The following TM4SF19 variants were observed in gnomAD, a reference collection of about 807,000 sequenced individuals.
TM4SF19 encodes the protein transmembrane 4 L6 family member 19.
Under a neutral mutation model 21.8 loss-of-function variants are expected in TM4SF19, and 17 were observed. The observed-to-expected ratio is 0.78, with a 90% CI of 0.53 to 1.17. The LOEUF (loss-of-function observed/expected upper bound fraction) is 1.17. Ranked by LOEUF, TM4SF19 falls within the 50% of genes most tolerant of loss-of-function variation. The probability of loss-of-function intolerance (pLI) is 0.00; values close to 1 mark genes in which losing one functional copy is unlikely to be tolerated. For missense variants in TM4SF19, 216 were observed against 252.1 expected, an observed-to-expected ratio of 0.86 and a Z score of 0.97; for synonymous variants, 107 against 106.7, an observed-to-expected ratio of 1.00 and a Z score of -0.02.
chr3:196,324,250 C>T, intron 4 of TM4SF19, 21 bp downstream of exon 4: 3 of 1,612,226 alleles, frequency 1.9e-6, no homozygotes, highest in Non-Finnish European at 2.5e-6. Context: ...AAAGACCAAG[C>T]CCAAGCCTCC....
intron 1 of TM4SF19, among the ~76,000 whole-genome samples, chr3:196,334,818 AG>A (rs1472021782): frequency 2.6e-5 from 1 of 38,738 alleles, no homozygotes; most frequent in African/African-American, 9.2e-5. Context: ...GGTAGGAGAG[AG>A]GAAGGGTGCC....
chr3:196,330,690 T>C (rs1727473096), intron 1 of TM4SF19, among the ~76,000 whole-genome samples: 1 of 152,126 alleles, frequency 6.6e-6, no homozygotes, highest in Non-Finnish European at 1.5e-5. Flanking sequence ...GCGGTTGCCA[T>C]GGGCTGAGAA....
intron 1 of TM4SF19, among the ~76,000 whole-genome samples, chr3:196,335,474 G>A: frequency 8.5e-6 from 1 of 118,034 alleles, no homozygotes; most frequent in Non-Finnish European, 1.8e-5. Flanking sequence ...GAGGGTGGGG[G>A]TAGGAGAGGG....
chr3:196,327,789 C>T (rs1727359955), intron 1 of TM4SF19, among the ~76,000 whole-genome samples, 198 bp from the exon 2 acceptor site: 2 of 152,186 alleles, frequency 1.3e-5, no homozygotes, highest in Admixed American at 1.3e-4. Flanking sequence ...TTAATTGTTT[C>T]CTTTTCTGCT....
Position 196,323,730 on chromosome 3 carries a change from T to C in TM4SF19, c.*87A>G, listed in dbSNP as rs755711479. The C allele has an allele frequency of 1.7e-5, 27 of 1,605,832 alleles. No homozygotes were observed. Among genetic ancestry groups the C allele is most frequent in the Non-Finnish European group, 2.3e-5 (27 of 1,175,296 alleles). On this transcript the variant is annotated 3_prime_UTR_variant, in exon 5 of 5. Coordinates refer to ENST00000273695, the MANE Select transcript of TM4SF19 (RefSeq NM_138461.4). ...CAGGGATACCTAAAGGGGAAGTTTG[T>C]TTATAATTCGTACCCACTCCTTGTA... is the stretch of plus-strand genomic sequence containing the variant.
intron 1 of TM4SF19, among the ~76,000 whole-genome samples, chr3:196,332,422 G>C (rs1431020613): frequency 6.8e-6 from 1 of 146,126 alleles, no homozygotes; most frequent in Non-Finnish European, 1.5e-5. Context: ...AGAGAGAGGA[G>C]GGAGAGAGGG....
chr3:196,327,730 A>C, intron 1 of TM4SF19, 139 bp from the exon 2 acceptor site: 1 of 664,034 alleles, frequency 1.5e-6, no homozygotes, highest in Non-Finnish European at 2.6e-6. Flanking sequence ...GAGCCAAGCA[A>C]CCTGCTTAAA....
chr3:196,331,058 G>C (rs1727484927), intron 1 of TM4SF19, among the ~76,000 whole-genome samples: 1 of 152,084 alleles, frequency 6.6e-6, no homozygotes, highest in South Asian at 2.1e-4. Flanking sequence ...TGGATCGCCT[G>C]ATGTCAGGAG....
At chr3:196,327,625 T>C in intron 1 of TM4SF19, 34 bp from the exon 2 acceptor site, 1 of 1,578,906 alleles carries the variant, frequency 6.3e-7, no homozygotes, top group South Asian at 1.1e-5. Flanking sequence ...GCAGCAGCTC[T>C]GCTGTGGGGG....
At chr3:196,324,202 C>G (rs761484380) in intron 4 of TM4SF19, 69 bp downstream of exon 4, 3 of 1,564,664 alleles carry the variant, frequency 1.9e-6, no homozygotes, top group Non-Finnish European at 2.6e-6. Context: ...TGTAGTTCGT[C>G]TGTGTGTCTT....
At chr3:196,324,099 G>T in intron 4 of TM4SF19, 102 bp from the exon 5 acceptor site, 3 of 1,487,386 alleles carry the variant, frequency 2.0e-6, no homozygotes, top group Non-Finnish European at 2.8e-6. Flanking sequence ...CGGGTCATGG[G>T]ACTGGGCTCA....
At position 196,333,925 on chromosome 3, in the gene TM4SF19, GT is replaced by G. The variant is rs748790744; in HGVS notation, c.-2+4338del. 3.9e-5 allele frequency among the ~76,000 whole-genome samples: 6 copies of G among 152,218 alleles called. No individual in the cohort carries two copies. The East Asian group carries it at 1.2e-3, about 29-fold the overall frequency. ...AAAATACAAAACTTAGCTGGGAATG[GT>G]GGTGTGCGCCTGTAATCCCAGCTAC... On this transcript the variant is annotated intron_variant, in intron 1 of 4. Transcript: ENST00000273695.
At chr3:196,329,985 C>G (rs1727443627) in intron 1 of TM4SF19, among the ~76,000 whole-genome samples, 1 of 146,240 alleles carries the variant, frequency 6.8e-6, no homozygotes, top group Non-Finnish European at 1.5e-5. Context: ...AATTCTCCTG[C>G]CTCAGCCTCC....
Position 196,327,438 on chromosome 3 carries a change from AAGGAGGCC to A in TM4SF19, c.145_152del (p.Gly49TrpfsTer36). 1 of 1,614,178 alleles carries A rather than the reference AAGGAGGCC, an allele frequency of 6.2e-7. No individual in the cohort carries two copies. The highest frequency in any genetic ancestry group is 8.5e-7 in the Non-Finnish European group (1 of 1,180,020). ...CAGTTCCCAGCATGGCATGCCTGCC[AAGGAGGCC>A]CCTCAACAGGTAGGTGACATCCCAG... is the stretch of plus-strand genomic sequence containing the variant. On this transcript the variant is annotated frameshift_variant, in exon 2 of 5. Transcript: ENST00000273695. LOFTEE classifies it high-confidence loss of function.
chr3:196,327,087 T>C, intron 2 of TM4SF19, 55 bp from the exon 3 acceptor site: 2 of 1,449,894 alleles, frequency 1.4e-6, no homozygotes, highest in East Asian at 2.3e-5. Context: ...CGGCTGTTTC[T>C]AGGTGCTGCC....
At chr3:196,324,026 T>G (rs749320315) in intron 4 of TM4SF19, 29 bp from the exon 5 acceptor site, 1 of 1,610,196 alleles carries the variant, frequency 6.2e-7, no homozygotes, top group South Asian at 1.1e-5. Flanking sequence ...AGACCAGGGG[T>G]CAGGCGATAA....
chr3:196,329,714 AC>A (rs2108808544), intron 1 of TM4SF19, among the ~76,000 whole-genome samples: 1 of 124,908 alleles, frequency 8.0e-6, no homozygotes, highest in African/African-American at 2.7e-5. Context: ...ACACTAAAGG[AC>A]AAATATTGTA....
Position 196,323,975 on chromosome 3 carries a change from G to A in TM4SF19, c.472C>T (p.Leu158Phe). The A allele has an allele frequency of 1.2e-6, 2 of 1,614,062 alleles. No homozygotes were observed. The highest frequency in any genetic ancestry group is 8.5e-7 in the Non-Finnish European group (1 of 1,180,012). The stretch of plus-strand genomic sequence containing the variant: ...GGCTCCAGGCAGACGGAGTTCCAGA[G>A]CGAACGGTCATACAGATAATTCCTA... The part of the protein sequence containing the change: ...HSRNYLYDRS[L>F]WNSVCLEPSA... The change falls in exon 5 of 5, where the codon CTC becomes TTC. Residue 158 changes from leucine (L) to phenylalanine (F), a missense_variant. Leu to Phe is a conservative substitution (Grantham distance 22, BLOSUM62 0). Coordinates refer to ENST00000273695, the MANE Select transcript of TM4SF19 (RefSeq NM_138461.4).
Position 196,323,662 on chromosome 3 carries a change from T to C in TM4SF19, c.*155A>G. The C allele has an allele frequency of 3.5e-6, 5 of 1,412,952 alleles. No individual in the cohort carries two copies. The highest frequency in any genetic ancestry group is 4.8e-6 in the Non-Finnish European group (5 of 1,046,484). The allele number at this position is 1,412,952 out of a possible 1,614,324, so 87.5% of individuals were successfully genotyped here. ...ACAATGTGATTTAAAATGCATTCTA[T>C]CATTCCACCGACCTGCAGTGAATTT... On this transcript the variant is annotated 3_prime_UTR_variant, in exon 5 of 5. Transcript: ENST00000273695.
Sources: gnomAD v4.1 joint callset for allele counts (sites outside exome capture counted in the v4.1 genomes callset) on GRCh38, gnomAD v4.1.1 for gene constraint, MANE v1.5 for transcripts, NCBI Gene and HGNC (gene_info 2026-07-23, HGNC 2026-07-21) for gene names.